Variants in EPS15 observed in about 807,000 individuals in gnomAD.
The protein encoded by EPS15 is epidermal growth factor receptor substrate 15.
EPS15 carries 72 observed loss-of-function variants against 113.8 expected under a neutral mutation model. That is an observed-to-expected ratio of 0.63 (90% CI 0.52 to 0.77). The LOEUF (loss-of-function observed/expected upper bound fraction) is 0.77. Among genes scored for constraint, EPS15 ranks in the 30% least tolerant of loss-of-function variants. The pLI is 0.00. For synonymous variants in EPS15, 344 were observed against 363.4 expected, an observed-to-expected ratio of 0.95 and a Z score of 0.61; for missense variants, 1,048 against 1,045.8, an observed-to-expected ratio of 1.00 and a Z score of -0.03.
At chr1:51,498,374 C>G (rs1570432973) in intron 1 of EPS15, among the ~76,000 whole-genome samples, 1 of 152,304 alleles carries the variant, frequency 6.6e-6, no homozygotes, top group East Asian at 1.9e-4. Flanking sequence ...AACTTTACAA[C>G]AGTACAAAAG....
intron 21 of EPS15, among the ~76,000 whole-genome samples, chr1:51,390,029 C>A (rs2148398874): frequency 6.6e-6 from 1 of 152,290 alleles, no homozygotes. Flanking sequence ...GCCAAAAGAA[C>A]AAAGCTGGCA....
At chr1:51,357,742 T>C (rs1646273400) in intron 24 of EPS15, among the ~76,000 whole-genome samples, 1 of 145,728 alleles carries the variant, frequency 6.9e-6, no homozygotes, top group Non-Finnish European at 1.5e-5. Flanking sequence ...AACCTAATCT[T>C]TTTTTTTTTT....
At chr1:51,487,737 G>C (rs1385201697) in intron 1 of EPS15, among the ~76,000 whole-genome samples, 2 of 152,024 alleles carry the variant, frequency 1.3e-5, no homozygotes, top group Non-Finnish European at 2.9e-5. Context: ...AAACACATAG[G>C]AGAAGATATT....
At chr1:51,359,717 C>T (rs1482968444) in intron 24 of EPS15, among the ~76,000 whole-genome samples, 4 of 151,088 alleles carry the variant, frequency 2.6e-5, no homozygotes, top group Non-Finnish European at 5.9e-5. Flanking sequence ...AAGATCGCGC[C>T]TCCAGCCTGG....
At chr1:51,486,244 C>T (rs940272114) in intron 1 of EPS15, among the ~76,000 whole-genome samples, 3 of 150,552 alleles carry the variant, frequency 2.0e-5, no homozygotes, top group Non-Finnish European at 4.4e-5. Context: ...ATGGCAACAC[C>T]TCGTCTCTAC....
intron 2 of EPS15, among the ~76,000 whole-genome samples, chr1:51,480,186 C>T (rs529871915): frequency 1.9e-4 from 29 of 152,306 alleles, no homozygotes; most frequent in African/African-American, 6.5e-4. Context: ...TTAATTAATA[C>T]TTGCTGCAAC....
At chr1:51,405,108 A>G (rs1322306887) in intron 16 of EPS15, among the ~76,000 whole-genome samples, 1 of 152,006 alleles carries the variant, frequency 6.6e-6, no homozygotes, top group South Asian at 2.1e-4. Flanking sequence ...ATCTTTATGA[A>G]CCCCCTCCAA....
intron 8 of EPS15, among the ~76,000 whole-genome samples, chr1:51,450,610 A>T (rs1361262285): frequency 6.6e-6 from 1 of 151,820 alleles, no homozygotes; most frequent in Non-Finnish European, 1.5e-5. Context: ...TATAGGAAAA[A>T]TTATTTTTCT....
intron 1 of EPS15, among the ~76,000 whole-genome samples, chr1:51,506,431 T>TA (rs1366750494): frequency 2.0e-5 from 3 of 152,180 alleles, no homozygotes; most frequent in Admixed American, 6.5e-5. Flanking sequence ...CATTTTTGAA[T>TA]ATTTTAAATA....
At chr1:51,370,838 C>T (rs113539819) in intron 21 of EPS15, among the ~76,000 whole-genome samples, 4,580 of 152,078 alleles carry the variant, frequency 0.03, 76 homozygotes, top group African/African-American at 0.05. Flanking sequence ...AGGCTGGTCT[C>T]GAACTCCTGA....
At chr1:51,362,466 A>G (rs1011348714) in intron 23 of EPS15, among the ~76,000 whole-genome samples, 12 of 152,202 alleles carry the variant, frequency 7.9e-5, no homozygotes, top group African/African-American at 2.7e-4. Context: ...ACACTAGCAT[A>G]TTATTTTACT....
In EPS15 at chr1:51,471,597, C is replaced by T. The variant is rs1297761813; in HGVS notation, c.213+93G>A. The T allele has an allele frequency of 2.9e-6, 3 of 1,017,780 alleles. No homozygotes were observed. The African/African-American group carries it at 4.9e-5, about 17-fold the overall frequency. The allele number at this position is 1,017,780 out of a possible 1,614,324, so 63.0% of individuals were successfully genotyped here. ...GCAAAACTCTAATGTTGGTAAAAAC[C>T]AATTCTTGGCTTCAAAATACAAGAA... On this transcript the variant is annotated intron_variant, in intron 4 of 24. Transcript: ENST00000371733.
chr1:51,517,515 C>T (rs1413619620), intron 1 of EPS15, among the ~76,000 whole-genome samples: 1 of 152,116 alleles, frequency 6.6e-6, no homozygotes, highest in African/African-American at 2.4e-5. Flanking sequence ...TCTTTAAGAG[C>T]ACAAAATCTT....
intron 16 of EPS15, among the ~76,000 whole-genome samples, chr1:51,405,057 A>C (rs72694190): frequency 0.03 from 4,577 of 152,216 alleles, 74 homozygotes; most frequent in African/African-American, 0.05. Flanking sequence ...TTGCTTAACC[A>C]CTTCTCACTT....
chr1:51,516,516 C>T (rs569729106), intron 1 of EPS15, among the ~76,000 whole-genome samples: 14 of 152,280 alleles, frequency 9.2e-5, no homozygotes, highest in Non-Finnish European at 1.6e-4. Flanking sequence ...ATTCTATCAT[C>T]TCTAGAAGCT....
chr1:51,375,253 G>T (rs890286240), intron 21 of EPS15, among the ~76,000 whole-genome samples: 17 of 151,838 alleles, frequency 1.1e-4, no homozygotes, highest in Non-Finnish European at 2.1e-4. Flanking sequence ...CACCTGCCTC[G>T]GCCTCCCAAA....
chr1:51,374,818 C>G (rs1646747688), intron 21 of EPS15, among the ~76,000 whole-genome samples: 1 of 151,882 alleles, frequency 6.6e-6, no homozygotes, highest in South Asian at 2.1e-4. Flanking sequence ...ATTCTCCTGC[C>G]TCAGCCTCCC....
At chr1:51,386,663 G>A (rs987138348) in intron 21 of EPS15, among the ~76,000 whole-genome samples, 41 of 152,190 alleles carry the variant, frequency 2.7e-4, no homozygotes, top group Admixed American at 2.6e-3. Flanking sequence ...CGAGAACTAC[G>A]TGAAGAATGC....
chr1:51,435,338 C>T (rs558681466), intron 12 of EPS15, among the ~76,000 whole-genome samples: 2 of 152,156 alleles, frequency 1.3e-5, no homozygotes, highest in East Asian at 3.9e-4. Flanking sequence ...GGATTATAGG[C>T]ATGCGCCACC....
Sources: gnomAD v4.1 joint callset for allele counts (sites outside exome capture counted in the v4.1 genomes callset) on GRCh38, gnomAD v4.1.1 for gene constraint, MANE v1.5 for transcripts, NCBI Gene and HGNC (gene_info 2026-07-23, HGNC 2026-07-21) for gene names.